The following ST7 variants were observed in gnomAD, a reference collection of about 807,000 sequenced individuals.
The protein encoded by ST7 is suppressor of tumorigenicity 7 protein.
Under a neutral mutation model 78.7 loss-of-function variants are expected in ST7, and 28 were observed. That is an observed-to-expected ratio of 0.36 (90% CI 0.26 to 0.49). The LOEUF (loss-of-function observed/expected upper bound fraction) is 0.49. ST7 is among the 20% of genes least tolerant of loss of function. The pLI is 0.99. For synonymous variants in ST7, 247 were observed against 249.6 expected (o/e 0.99, Z 0.10); for missense variants, 418 against 696.0 (o/e 0.60, Z 4.49).
At chr7:117,005,061 G>C (rs1317391444) in intron 1 of ST7, among the ~76,000 whole-genome samples, 1 of 151,988 alleles carries the variant, frequency 6.6e-6, no homozygotes, top group Non-Finnish European at 1.5e-5. Context: ...TCTGTATTTT[G>C]TTCCTTATGA....
At chr7:117,077,604 TGTGTTAAATAG>T (rs1201243437) in intron 1 of ST7, among the ~76,000 whole-genome samples, 11 of 152,176 alleles carry the variant, frequency 7.2e-5, no homozygotes, top group African/African-American at 2.7e-4. Context: ...CTGCAGACAT[TGTGTTAAATAG>T]GTGTTATAAT....
intron 2 of ST7, chr7:117,117,867 A>G (rs1054882915): frequency 6.6e-6 from 1 of 152,220 alleles, no homozygotes; most frequent in African/African-American, 2.4e-5. Flanking sequence ...TTCCACTTAC[A>G]GTTGAAGAAA....
intron 1 of ST7, among the ~76,000 whole-genome samples, chr7:116,958,162 ATTTTTTTTTTT>A (rs34132237): frequency 7.3e-5 from 7 of 95,616 alleles, no homozygotes; most frequent in South Asian, 3.9e-4. Context: ...TGCGTGGCTA[ATTTTTTTTTTT>A]TTTTTTTTTT....
At chr7:117,166,450 ATTT>A (rs58969985) in intron 9 of ST7, among the ~76,000 whole-genome samples, 1 of 145,080 alleles carries the variant, frequency 6.9e-6, no homozygotes, top group Non-Finnish European at 1.5e-5. Context: ...AGTTGCTTGC[ATTT>A]TTTTTTTTTT....
chr7:117,172,753 A>G (rs977462700), intron 10 of ST7, among the ~76,000 whole-genome samples: 1 of 152,120 alleles, frequency 6.6e-6, no homozygotes, highest in South Asian at 2.1e-4. Context: ...TCCAAATGCC[A>G]CTCTGTAGCC....
chr7:116,987,378 TTGGGCCTG>T (rs1794232653), intron 1 of ST7, among the ~76,000 whole-genome samples: 1 of 152,166 alleles, frequency 6.6e-6, no homozygotes, highest in South Asian at 2.1e-4. Flanking sequence ...TCCTGGGCCT[TTGGGCCTG>T]CTGTGGCATC....
chr7:117,102,532 T>C (rs1274438426), intron 2 of ST7, among the ~76,000 whole-genome samples: 1 of 152,158 alleles, frequency 6.6e-6, no homozygotes, highest in Non-Finnish European at 1.5e-5. Flanking sequence ...AAAATTGTGG[T>C]AAGTGCTGAA....
At chr7:117,165,424 G>A (rs1454876339) in intron 9 of ST7, among the ~76,000 whole-genome samples, 1 of 152,152 alleles carries the variant, frequency 6.6e-6, no homozygotes, top group Non-Finnish European at 1.5e-5. Context: ...TGTCCAAGGT[G>A]TAGATAATGG....
chr7:117,078,193 A>G (rs1427438995), intron 1 of ST7, among the ~76,000 whole-genome samples: 1 of 152,238 alleles, frequency 6.6e-6, no homozygotes, highest in Admixed American at 6.5e-5. Context: ...CAGAGAGAAG[A>G]ACTCATAGGT....
At position 116,976,659 on chromosome 7, in the gene ST7, C is replaced by T. The variant is rs143194883; in HGVS notation, c.151+22968C>T. On this transcript the variant is annotated intron_variant, in intron 1 of 15. Coordinates refer to ENST00000323984, the MANE Select transcript of ST7 (RefSeq NM_001369598.1). ...CAAGCCCAACATCCGTGAGGTAGGG[C>T]TATATATTCTGTATATTCTAGTGAA... is the stretch of plus-strand genomic sequence containing the variant. Among the ~76,000 whole-genome samples the T allele has an allele frequency of 5.0e-4, 76 of 152,276 alleles. No homozygotes were observed. The East Asian group carries it at 0.014, about 27-fold the overall frequency.
intron 1 of ST7, among the ~76,000 whole-genome samples, chr7:117,044,927 A>G (rs1187971014): frequency 6.6e-6 from 1 of 152,090 alleles, no homozygotes; most frequent in Non-Finnish European, 1.5e-5. Context: ...ACTGATTTCT[A>G]ATGCCTCTCC....
chr7:117,212,267 C>CA (rs1216712482), intron 13 of ST7, among the ~76,000 whole-genome samples: 1 of 152,138 alleles, frequency 6.6e-6, no homozygotes, highest in Non-Finnish European at 1.5e-5. Context: ...CAGAGGTGGC[C>CA]ATCTCAATTT....
At chr7:117,032,243 A>G (rs1225556733) in intron 1 of ST7, among the ~76,000 whole-genome samples, 7 of 152,258 alleles carry the variant, frequency 4.6e-5, no homozygotes, top group Non-Finnish European at 8.8e-5. Flanking sequence ...TTTAAAAATT[A>G]TGTTTATGTA....
At position 117,190,761 on chromosome 7, in the gene ST7, A is replaced by G. The variant is rs1278689744; in HGVS notation, c.1152-73A>G. The G allele has an allele frequency of 8.3e-6, 10 of 1,210,740 alleles. No individual in the cohort carries two copies. The Admixed American group carries it at 1.7e-4, about 21-fold the overall frequency. 75.0% of individuals were successfully genotyped at this position (1,210,740 alleles called of 1,614,324 possible). A position where few individuals can be genotyped will look rare whatever the true frequency, so the allele number is the denominator to read the frequency against. On this transcript the variant is annotated intron_variant, in intron 11 of 15. Transcript: ENST00000323984. This position sits in a 1 kb window ranked among gnomAD's most constrained non-coding sequence, Gnocchi z 5.2. ...CTCACTGTGGTTTTATGGGCCCTAGATGTGTAGATGCTTCCGGGTTGATGC... is the reference window on the plus strand; with the variant it reads ...CTCACTGTGGTTTTATGGGCCCTAGGTGTGTAGATGCTTCCGGGTTGATGC...
intron 1 of ST7, chr7:116,959,500 T>C (rs908797989): frequency 3.5e-6 from 1 of 289,712 alleles, no homozygotes; most frequent in African/African-American, 2.2e-5. Context: ...ATTCACTGGA[T>C]GAATGAATAT....
At chr7:117,056,908 A>G (rs1321965469) in intron 1 of ST7, among the ~76,000 whole-genome samples, 1 of 152,142 alleles carries the variant, frequency 6.6e-6, no homozygotes, top group Admixed American at 6.5e-5. Flanking sequence ...CACATATAAG[A>G]GATTACATTT....
At chr7:117,023,171 G>T (rs560159004) in intron 1 of ST7, among the ~76,000 whole-genome samples, 1 of 152,216 alleles carries the variant, frequency 6.6e-6, no homozygotes, top group South Asian at 2.1e-4. Context: ...TCAGAAATTT[G>T]CAGTAGCCTG....
chr7:117,153,432 A>G (rs1584481006), intron 9 of ST7, among the ~76,000 whole-genome samples: 1 of 152,128 alleles, frequency 6.6e-6, no homozygotes, highest in African/African-American at 2.4e-5. Flanking sequence ...ATTATGGAGG[A>G]AAAAGTGAGT....
chr7:117,119,702 A>T lies in ST7; in HGVS notation c.376A>T (p.Asn126Tyr). ...TTCCAGTAACGGGGACTCAGATTCC[A>T]ATAGGCAAAGTGTCTCAGGTATGGA... is the stretch of plus-strand genomic sequence containing the variant. ...SNSSNGDSDS[N>Y]RQSVSECKVW... Residue 126 changes from asparagine (N) to tyrosine (Y), a missense_variant, in exon 3 of 16, where the codon AAT becomes TAT. Asn to Tyr is a moderately radical substitution (Grantham distance 143, BLOSUM62 -2). Around this residue, in one of 4 missense-constraint regions of ST7, gnomAD observed 36 missense variants for 29.7 expected, o/e 1.21. Coordinates refer to ENST00000323984, the MANE Select transcript of ST7 (RefSeq NM_001369598.1). The T allele has an allele frequency of 6.2e-7, 1 of 1,612,932 alleles. No individual in the cohort carries two copies. The highest frequency in any genetic ancestry group is 8.5e-7 in the Non-Finnish European group (1 of 1,179,822).
Sources: allele counts gnomAD v4.1 joint callset (sites outside exome capture counted in the v4.1 genomes callset), GRCh38; gene constraint gnomAD v4.1.1; regional missense constraint gnomAD v4.1.1; non-coding constraint Gnocchi (gnomAD v3.1); transcripts MANE v1.5; gene names NCBI Gene and HGNC (gene_info 2026-07-23, HGNC 2026-07-21).